AVIL: variants seen among roughly 807,000 people sequenced by gnomAD.
AVIL encodes the protein advillin.
Under a neutral mutation model 109.9 loss-of-function variants are expected in AVIL, and 78 were observed. The ratio of observed to expected loss-of-function variants is 0.71; its 90% CI spans 0.59 to 0.86. The LOEUF is 0.86. Among genes scored for constraint, AVIL ranks in the 40% least tolerant of loss-of-function variants. The pLI is 0.00. For missense variants in AVIL, 892 were observed against 1,016.5 expected (o/e 0.88, Z 1.67); for synonymous variants, 367 against 379.1 (o/e 0.97, Z 0.37).
At chr12:57,805,398 A>G (rs116369762) in intron 14 of AVIL, among the ~76,000 whole-genome samples, 2 of 151,892 alleles carry the variant, frequency 1.3e-5, no homozygotes, top group Non-Finnish European at 2.9e-5. Flanking sequence ...AATTGACATC[A>G]TATTTTGTGT....
Position 57,806,477 on chromosome 12 carries a change from A to G in AVIL, c.1554T>C (p.His518=), listed in dbSNP as rs1039261270. 24 of 1,613,992 alleles carry G rather than the reference A, an allele frequency of 1.5e-5. No individual in the cohort carries two copies. The Middle Eastern group carries it at 1.5e-3, about 99-fold the overall frequency. ...PDPPVRLFQI[H]GNDKSNTKAV... is the part of the protein sequence containing the mutation. ...CTTTGGTGTTAGATTTGTCATTTCC[A>G]TGAATTTGGAAGAGTCTTACTGGAG... is the stretch of plus-strand genomic sequence containing the variant. Residue 518 remains histidine (H), a synonymous_variant, in exon 14 of 20, where the codon CAT becomes CAC. Transcript: ENST00000549994.
At chr12:57,805,222 A>AT (rs1955924400) in intron 14 of AVIL, among the ~76,000 whole-genome samples, 2 of 151,050 alleles carry the variant, frequency 1.3e-5, no homozygotes, top group African/African-American at 2.4e-5. Context: ...TGCCCAGCTA[A>AT]TTTTTTGTAT....
In AVIL at chr12:57,806,415, G is replaced by A; in HGVS notation, c.1616C>T (p.Ser539Phe). ...AGTTCGCAGCAGAAAGACATCATTG[G>A]AGTTTAGGGAGGAGGCAAAGGCTGG... ...EVPAFASSLN[S>F]NDVFLLRTQA... The change falls in exon 14 of 20, where the codon TCC becomes TTC. Residue 539 changes from serine to phenylalanine, a missense_variant. Ser to Phe is a radical substitution (Grantham distance 155). Transcript: ENST00000549994. 1.2e-6 allele frequency: 2 copies of A among 1,614,108 alleles called. No homozygotes were observed. Among genetic ancestry groups the A allele is most frequent in the East Asian group, 2.2e-5 (1 of 44,868 alleles).
intron 1 of AVIL, among the ~76,000 whole-genome samples, chr12:57,817,668 C>G (rs1956114349): frequency 1.3e-5 from 2 of 152,084 alleles, no homozygotes. Flanking sequence ...AAAAGCCAAA[C>G]CAGCCGGCAG....
At position 57,802,674 on chromosome 12, in the gene AVIL, C is replaced by G. The variant is rs1161219493; in HGVS notation, c.1963-326G>C. On this transcript the variant is annotated intron_variant, in intron 16 of 19. Coordinates refer to ENST00000549994, the MANE Select transcript of AVIL (RefSeq NM_006576.4). ...AAAATAACACCTTCAGGATGTAGCT[C>G]TTCTTTACTAAACTTGTATCTGAGT... 5 of 635,480 alleles carry G rather than the reference C, an allele frequency of 7.9e-6. No homozygotes were observed. In the East Asian group the frequency reaches 1.4e-4, roughly 17 times the overall value. The allele number at this position is 635,480 out of a possible 1,614,324, so 39.4% of individuals were successfully genotyped here. A position where few individuals can be genotyped will look rare whatever the true frequency, so the allele number is the denominator to read the frequency against.
intron 11 of AVIL, chr12:57,807,962 A>G (rs998392997): frequency 6.2e-6 from 5 of 801,730 alleles, no homozygotes; most frequent in Non-Finnish European, 1.1e-5. Flanking sequence ...TGCAAGGCTG[A>G]GCAATGATTT....
Position 57,813,324 on chromosome 12 carries a change from G to A in AVIL, c.241C>T (p.Gln81Ter), listed in dbSNP as rs755966879. The A allele has an allele frequency of 3.1e-6, 5 of 1,614,016 alleles. No individual in the cohort carries two copies. The highest frequency in any genetic ancestry group is 1.1e-5 in the South Asian group (1 of 91,088). ...EQSCAAIYTT[Q>*]LDDYLGGSPV... ...CTGCCTCCCAGGTAGTCGTCCAGCTGTGTGGTATATATGGCTGCGCAGCTT... is the reference window on the plus strand; with the variant it reads ...CTGCCTCCCAGGTAGTCGTCCAGCTATGTGGTATATATGGCTGCGCAGCTT... Residue 81 changes from glutamine (Q) to a stop codon, truncating the protein, a stop_gained, in exon 4 of 20, where the codon CAG becomes TAG. Transcript: ENST00000549994. LOFTEE classifies it high-confidence loss of function.
chr12:57,818,110 C>G (rs1956119025), intron 1 of AVIL, among the ~76,000 whole-genome samples: 1 of 150,182 alleles, frequency 6.7e-6, no homozygotes, highest in East Asian at 2.0e-4. Context: ...CCGCCACCTC[C>G]TGGGCTCAAG....
At position 57,797,671 on chromosome 12, in the gene AVIL, C is replaced by A; in HGVS notation, c.*211G>T. 1.4e-6 allele frequency: 1 copy of A among 739,360 alleles called. No individual in the cohort carries two copies. Among genetic ancestry groups the A allele is most frequent in the Non-Finnish European group, 1.8e-6 (1 of 570,850 alleles). The allele number at this position is 739,360 out of a possible 1,614,324, so 45.8% of individuals were successfully genotyped here. A position where few individuals can be genotyped will look rare whatever the true frequency, so the allele number is the denominator to read the frequency against. ...AGGCTTTAGCTAGAGGGCCACAAAACCCAAAAACTATATGGTTAACATTTT... is the reference window on the plus strand; with the variant it reads ...AGGCTTTAGCTAGAGGGCCACAAAAACCAAAAACTATATGGTTAACATTTT... On this transcript the variant is annotated 3_prime_UTR_variant, in exon 20 of 20. Coordinates refer to ENST00000549994, the MANE Select transcript of AVIL (RefSeq NM_006576.4).
rs1001079019 is a variant in AVIL at position 57,808,311 on chromosome 12, G to A, written c.1094-17C>T. ...AAACTTTAGCTGTGGAGAAAGGGTT[G>A]GGAAAAGCCGAGTGAGTAAGAAGCA... On this transcript the variant is annotated splice_polypyrimidine_tract_variant and intron_variant, in intron 10 of 19. Transcript: ENST00000549994. 3.1e-6 allele frequency: 5 copies of A among 1,614,026 alleles called. No individual in the cohort carries two copies. The highest frequency in any genetic ancestry group is 1.3e-5 in the African/African-American group (1 of 74,942).
intron 14 of AVIL, chr12:57,803,877 A>G: frequency 1.8e-6 from 1 of 543,546 alleles, no homozygotes; most frequent in Non-Finnish European, 3.0e-6. Flanking sequence ...AGGCTTTGAA[A>G]CCCACAGTGG....
rs746892386 is a variant in AVIL, at chr12:57,806,570, A to G, written c.1492-31T>C. 13 of 1,610,974 alleles carry G rather than the reference A, an allele frequency of 8.1e-6. No individual in the cohort carries two copies. In the Admixed American group the frequency reaches 2.2e-4, roughly 27 times the overall value. On this transcript the variant is annotated intron_variant, in intron 13 of 19. Coordinates refer to ENST00000549994, the MANE Select transcript of AVIL (RefSeq NM_006576.4). ...GAGAAGAAAAGCAGAGTCCAGATCT[A>G]AGGAGCACCATGTGAGCAGAGTGCT...
At chr12:57,812,111 G>T (rs1956045613) in intron 4 of AVIL, among the ~76,000 whole-genome samples, 1 of 152,132 alleles carries the variant, frequency 6.6e-6, no homozygotes, top group Admixed American at 6.6e-5. Context: ...ATCAGGGACT[G>T]CAGGCTCGAT....
intron 2 of AVIL, chr12:57,815,554 C>T: frequency 8.2e-7 from 1 of 1,223,684 alleles, no homozygotes; most frequent in Non-Finnish European, 1.0e-6. Flanking sequence ...TGAACAGCTC[C>T]TCATCTCTGC....
chr12:57,816,934 G>A lies in AVIL; in HGVS notation c.-19-875C>T, dbSNP rs899812790. Reference sequence around the variant, plus strand: ...CAGACCCAAGCTTCTGTGTGGAAGCGTGAACCTCAGACACTTAGACGTCTC... The same window carrying A: ...CAGACCCAAGCTTCTGTGTGGAAGCATGAACCTCAGACACTTAGACGTCTC... On this transcript the variant is annotated intron_variant, in intron 1 of 19. Coordinates refer to ENST00000549994, the MANE Select transcript of AVIL (RefSeq NM_006576.4). 5.3e-5 allele frequency among the ~76,000 whole-genome samples: 8 copies of A among 152,006 alleles called. No individual in the cohort carries two copies. The East Asian group carries it at 7.7e-4, about 15-fold the overall frequency.
chr12:57,811,508 T>G (rs749967127), intron 4 of AVIL, among the ~76,000 whole-genome samples: 57 of 152,244 alleles, frequency 3.7e-4, no homozygotes, highest in Non-Finnish European at 6.8e-4. Flanking sequence ...GGGATACAAG[T>G]TGTGCTGCAG....
At chr12:57,804,879 C>T (rs180874264) in intron 14 of AVIL, among the ~76,000 whole-genome samples, 96 of 151,984 alleles carry the variant, frequency 6.3e-4, no homozygotes, top group Non-Finnish European at 1.1e-3. Flanking sequence ...TGCAATCCTG[C>T]CAACAATGCA....
At position 57,808,563 on chromosome 12, in the gene AVIL, A is replaced by G. The variant is rs1435054454; in HGVS notation, c.940-15T>C. 4 of 1,613,130 alleles carry G rather than the reference A, an allele frequency of 2.5e-6. No homozygotes were observed. Among genetic ancestry groups the G allele is most frequent in the African/African-American group, 1.3e-5 (1 of 74,878 alleles). On this transcript the variant is annotated splice_polypyrimidine_tract_variant and intron_variant, in intron 9 of 19. Coordinates refer to ENST00000549994, the MANE Select transcript of AVIL (RefSeq NM_006576.4). ...TTGATGAAGCCCTGCAGAGCCACCC[A>G]TTCCCAAAGGCAGGTCAGTGGTGGA...
chr12:57,815,620 C>CATGTT, intron 2 of AVIL: 1 of 1,305,710 alleles, frequency 7.7e-7, no homozygotes, highest in Non-Finnish European at 1.0e-6. Flanking sequence ...CCGTGGAAGA[C>CATGTT]ATGTTCCATT....
Sources: gnomAD v4.1 joint callset for allele counts (sites outside exome capture counted in the v4.1 genomes callset) on GRCh38, gnomAD v4.1.1 for gene constraint, MANE v1.5 for transcripts, NCBI Gene and HGNC (gene_info 2026-07-23, HGNC 2026-07-21) for gene names.